Variants in PPP1R1C observed in about 807,000 individuals in gnomAD.
The protein encoded by PPP1R1C is protein phosphatase 1 regulatory inhibitor subunit 1C, also known as protein phosphatase 1 regulatory subunit 1C.
In PPP1R1C, 15 loss-of-function variants were observed where a neutral mutation model predicts 17.4. That is an observed-to-expected ratio of 0.86 (90% CI 0.58 to 1.33). The LOEUF (loss-of-function observed/expected upper bound fraction) is 1.33. PPP1R1C is among the 40% of genes most tolerant of loss of function. PPP1R1C has a pLI of 0.00. For synonymous variants in PPP1R1C, 35 were observed against 43.1 expected (o/e 0.81, Z 0.73); for missense variants, 143 against 130.0 (o/e 1.10, Z -0.48).
At chr2:182,100,877 A>T (rs1689080509) in intron 4 of PPP1R1C, among the ~76,000 whole-genome samples, 2 of 152,190 alleles carry the variant, frequency 1.3e-5, no homozygotes, top group African/African-American at 4.8e-5. Flanking sequence ...TGGAGGAAGG[A>T]TCGCGATTGT....
At chr2:182,038,069 ACTCT>A (rs1687066977) in intron 2 of PPP1R1C, among the ~76,000 whole-genome samples, 1 of 151,816 alleles carries the variant, frequency 6.6e-6, no homozygotes, top group Non-Finnish European at 1.5e-5. Flanking sequence ...ATAAGGTCTC[ACTCT>A]GTTGCCCAGG....
At chr2:182,000,113 G>A (rs1201721362) in intron 2 of PPP1R1C, among the ~76,000 whole-genome samples, 2 of 152,134 alleles carry the variant, frequency 1.3e-5, no homozygotes, top group South Asian at 4.1e-4. Context: ...GCACGAGTAA[G>A]CATAATATGT....
intron 4 of PPP1R1C, among the ~76,000 whole-genome samples, chr2:182,085,719 T>G (rs999532669): frequency 6.6e-6 from 1 of 152,158 alleles, no homozygotes; most frequent in Non-Finnish European, 1.5e-5. Flanking sequence ...CTAGTTATAT[T>G]TGTTGAAGTT....
chr2:181,993,523 A>T (rs1284054747), intron 2 of PPP1R1C, among the ~76,000 whole-genome samples: 1 of 152,154 alleles, frequency 6.6e-6, no homozygotes. Context: ...GTTGTAATTC[A>T]TTTGAATCCA....
At chr2:182,059,497 A>T (rs1195475812) in intron 2 of PPP1R1C, among the ~76,000 whole-genome samples, 1 of 152,138 alleles carries the variant, frequency 6.6e-6, no homozygotes, top group Non-Finnish European at 1.5e-5. Flanking sequence ...CCTGAGGGAA[A>T]AAAAAGGAGA....
At chr2:182,104,104 AG>A (rs1488072168) in intron 4 of PPP1R1C, among the ~76,000 whole-genome samples, 2 of 152,320 alleles carry the variant, frequency 1.3e-5, no homozygotes, top group East Asian at 3.9e-4. Flanking sequence ...TCTTGCCACT[AG>A]GTAAAATTTG....
chr2:182,031,636 C>T (rs544148049), intron 2 of PPP1R1C, among the ~76,000 whole-genome samples: 1 of 152,136 alleles, frequency 6.6e-6, no homozygotes, highest in Non-Finnish European at 1.5e-5. Flanking sequence ...AGCCTCACTT[C>T]TTATTTTCTT....
upstream of PPP1R1C, among the ~76,000 whole-genome samples, chr2:181,981,698 C>T (rs993995754): frequency 3.3e-5 from 5 of 152,214 alleles, no homozygotes; most frequent in African/African-American, 1.2e-4. Flanking sequence ...TATGAAAGCC[C>T]AATAATATTG....
At chr2:182,044,330 T>C (rs1185860873) in intron 2 of PPP1R1C, among the ~76,000 whole-genome samples, 4 of 152,170 alleles carry the variant, frequency 2.6e-5, no homozygotes, top group African/African-American at 9.7e-5. Context: ...TCATCTAGTC[T>C]TACTAAATCT....
chr2:182,047,319 A>G (rs760678255), intron 2 of PPP1R1C, among the ~76,000 whole-genome samples: 1 of 152,232 alleles, frequency 6.6e-6, no homozygotes, highest in Admixed American at 6.5e-5. Flanking sequence ...TCAAAATGAC[A>G]TAAAAATATA....
At chr2:182,110,835 A>G (rs972590054) in intron 4 of PPP1R1C, among the ~76,000 whole-genome samples, 3 of 152,106 alleles carry the variant, frequency 2.0e-5, no homozygotes, top group African/African-American at 7.2e-5. Context: ...GAAATTGCCT[A>G]AACATTGTTT....
intron 4 of PPP1R1C, chr2:182,064,033 A>C (rs1271335701): frequency 2.3e-6 from 1 of 443,438 alleles, no homozygotes; most frequent in Non-Finnish European, 4.0e-6. Flanking sequence ...TTCAGTTTCC[A>C]AAATAATGAC....
At chr2:182,042,042 C>T (rs908793513) in intron 2 of PPP1R1C, among the ~76,000 whole-genome samples, 10 of 152,186 alleles carry the variant, frequency 6.6e-5, no homozygotes, top group African/African-American at 2.4e-4. Flanking sequence ...GTAGCTCCTT[C>T]TCTTCCACTT....
intron 5 of PPP1R1C, among the ~76,000 whole-genome samples, chr2:182,124,327 G>GTT (rs1294464668): frequency 2.4e-5 from 2 of 83,004 alleles, no homozygotes; most frequent in South Asian, 3.8e-4. Flanking sequence ...TTTTTTTTTT[G>GTT]TTTTTTTTTT....
At chr2:182,102,200 A>G (rs1437094281) in intron 4 of PPP1R1C, among the ~76,000 whole-genome samples, 1 of 152,198 alleles carries the variant, frequency 6.6e-6, no homozygotes, top group Non-Finnish European at 1.5e-5. Context: ...GACATGGAAA[A>G]CATATTGTCA....
chr2:181,975,114 G>T (rs1685073611), intron 1 of PPP1R1C: 2 of 151,408 alleles, frequency 1.3e-5, no homozygotes, highest in Non-Finnish European at 1.5e-5. Context: ...AATTTTGGGG[G>T]TAATTTAGAT....
chr2:182,023,166 T>A (rs1432232481), intron 2 of PPP1R1C, among the ~76,000 whole-genome samples: 1 of 151,926 alleles, frequency 6.6e-6, no homozygotes, highest in African/African-American at 2.4e-5. Flanking sequence ...CAGAAAAAAA[T>A]TTATTTGTCA....
At chr2:181,985,175 A>G (rs1685266608), upstream of PPP1R1C, among the ~76,000 whole-genome samples, 1 of 152,252 alleles carries the variant, frequency 6.6e-6, no homozygotes, top group African/African-American at 2.4e-5. The surrounding 1 kb of genome is among the most constrained non-coding windows in gnomAD (Gnocchi z 4.1). Flanking sequence ...TTGAAGCAGC[A>G]GTGACTTCCA....
At chr2:182,065,546 A>T (rs1336291419) in intron 4 of PPP1R1C, among the ~76,000 whole-genome samples, 1 of 152,130 alleles carries the variant, frequency 6.6e-6, no homozygotes. Flanking sequence ...TGAATGGAAC[A>T]TGCAGTTATT....
Sources: gnomAD v4.1 joint callset for allele counts (sites outside exome capture counted in the v4.1 genomes callset) on GRCh38, gnomAD v4.1.1 for gene constraint, Gnocchi (gnomAD v3.1) non-coding constraint, MANE v1.5 for transcripts, NCBI Gene and HGNC (gene_info 2026-07-23, HGNC 2026-07-21) for gene names.